The following ETV1 variants were observed in gnomAD, a reference collection of about 807,000 sequenced individuals.
ETV1 encodes ETS translocation variant 1.
Under a neutral mutation model 62.3 loss-of-function variants are expected in ETV1, and 27 were observed. The observed-to-expected ratio is 0.43, with a 90% CI of 0.32 to 0.60. The LOEUF is 0.60. Ranked by LOEUF, ETV1 falls within the 20% of genes least tolerant of loss-of-function variation. The pLI is 0.06. For synonymous variants in ETV1, 222 were observed against 199.6 expected (o/e 1.11, Z -0.94); for missense variants, 605 against 605.8 (o/e 1.00, Z 0.01).
Position 13,989,127 on chromosome 7 carries a change from G to C in ETV1, c.-75C>G, listed in dbSNP as rs1782830243. On this transcript the variant is annotated 5_prime_UTR_variant, in exon 3 of 14. Coordinates refer to ENST00000430479, the MANE Select transcript of ETV1 (RefSeq NM_004956.5). The stretch of plus-strand genomic sequence containing the variant: ...TAGCTGGAGATTTCCTCAGGATCTG[G>C]ACTTCTATCAACCTAGAGGGGAACA... 1.5e-6 allele frequency: 2 copies of C among 1,305,492 alleles called. No homozygotes were observed. The highest frequency in any genetic ancestry group is 2.9e-5 in the African/African-American group (2 of 68,100). The allele number at this position is 1,305,492 out of a possible 1,614,324, so 80.9% of individuals were successfully genotyped here. A position where few individuals can be genotyped will look rare whatever the true frequency, so the allele number is the denominator to read the frequency against.
At chr7:13,958,534 A>C (rs2128480082) in intron 6 of ETV1, among the ~76,000 whole-genome samples, 1 of 152,322 alleles carries the variant, frequency 6.6e-6, no homozygotes, top group East Asian at 1.9e-4. Context: ...ACATGTATTA[A>C]AAATTAGGTG....
intron 6 of ETV1, among the ~76,000 whole-genome samples, chr7:13,949,299 C>A (rs930542855): frequency 6.6e-6 from 1 of 152,122 alleles, no homozygotes; most frequent in Admixed American, 6.5e-5. Flanking sequence ...GTTAGGAATA[C>A]ACTCAGTAGA....
chr7:13,975,590 G>GA (rs368323645), intron 6 of ETV1, among the ~76,000 whole-genome samples: 63,172 of 125,304 alleles, frequency 0.5, 15,585 homozygotes, highest in East Asian at 0.59. Flanking sequence ...GAAAAGAAAA[G>GA]AAAAAAAAAA....
intron 6 of ETV1, among the ~76,000 whole-genome samples, chr7:13,963,521 C>A (rs1293286138): frequency 2.1e-5 from 3 of 140,364 alleles, no homozygotes; most frequent in African/African-American, 9.1e-5. Flanking sequence ...CATTTTAATA[C>A]CAATCTTGGC....
chr7:13,935,557 A>G (rs1786705011), intron 8 of ETV1, 151 bp downstream of exon 8: 1 of 605,592 alleles, frequency 1.7e-6, no homozygotes, highest in Non-Finnish European at 3.0e-6. Context: ...ATAAGTATAG[A>G]TAGAGTGAGC....
At chr7:13,945,530 T>A (rs2128466304) in intron 6 of ETV1, among the ~76,000 whole-genome samples, 1 of 152,064 alleles carries the variant, frequency 6.6e-6, no homozygotes, top group South Asian at 2.1e-4. Flanking sequence ...TTGCTGCATG[T>A]GAGGAAAAAA....
upstream of ETV1, chr7:13,989,793 A>C: frequency 2.5e-6 from 1 of 393,064 alleles, no homozygotes. Context: ...GCTGTCAATC[A>C]GGCGGCTTGC....
chr7:13,949,212 C>T (rs945373659), intron 6 of ETV1, among the ~76,000 whole-genome samples: 2 of 151,696 alleles, frequency 1.3e-5, no homozygotes, highest in African/African-American at 4.8e-5. Context: ...AAATGGTATA[C>T]ATAAATTAGA....
At chr7:13,906,742 G>A (rs981827141) in intron 11 of ETV1, 143 bp from the exon 12 acceptor site, 2 of 589,580 alleles carry the variant, frequency 3.4e-6, no homozygotes, top group Non-Finnish European at 5.6e-6. Context: ...TACCATTAAA[G>A]AGGAATTTAA....
At chr7:13,907,593 C>T (rs1164438863) in intron 11 of ETV1, among the ~76,000 whole-genome samples, 1 of 152,058 alleles carries the variant, frequency 6.6e-6, no homozygotes, top group African/African-American at 2.4e-5. Flanking sequence ...ACTTCCATCT[C>T]CAGCCACATG....
In ETV1 at chr7:13,894,253, T is replaced by A. The variant is rs1781586556; in HGVS notation, c.*1613A>T. ...ACAAAATTCATGTCCCTTGCTTGAA[T>A]CTTTTAGCGAGCTATTCAGAGATTC... is the stretch of plus-strand genomic sequence containing the variant. On this transcript the variant is annotated 3_prime_UTR_variant, in exon 14 of 14. Coordinates refer to ENST00000430479, the MANE Select transcript of ETV1 (RefSeq NM_004956.5). The A allele has an allele frequency of 4.3e-6, 1 of 232,486 alleles. No individual in the cohort carries two copies. Among genetic ancestry groups the A allele is most frequent in the African/African-American group, 2.2e-5 (1 of 45,274 alleles). 14.4% of individuals were successfully genotyped at this position (232,486 alleles called of 1,614,324 possible).
intron 6 of ETV1, among the ~76,000 whole-genome samples, chr7:13,945,392 A>C (rs28513100): frequency 0.011 from 1,695 of 152,112 alleles, 40 homozygotes; most frequent in African/African-American, 0.039. Context: ...AACTCTCTCC[A>C]TAACAGGTTC....
At position 13,973,323 on chromosome 7, in the gene ETV1, C is replaced by T. The variant is rs891592315; in HGVS notation, c.235+4104G>A. On this transcript the variant is annotated intron_variant, in intron 6 of 13. Coordinates refer to ENST00000430479, the MANE Select transcript of ETV1 (RefSeq NM_004956.5). ...TTTAAAAATATCCCCATAGAATTTA[C>T]AGACAGGCCACACAGAGGGGATGCA... 5.7e-4 allele frequency among the ~76,000 whole-genome samples: 86 copies of T among 152,120 alleles called. 2 individuals carry two copies. Among genetic ancestry groups the T allele is most frequent in the Admixed American group, 5.6e-3 (85 of 15,264 alleles).
At chr7:13,901,957 C>T (rs1404872134) in intron 12 of ETV1, among the ~76,000 whole-genome samples, 3 of 152,120 alleles carry the variant, frequency 2.0e-5, no homozygotes. Flanking sequence ...CCTCTCTCCT[C>T]AATGTATATA....
intron 9 of ETV1, among the ~76,000 whole-genome samples, chr7:13,922,295 T>TTAC (rs1327286994): frequency 6.6e-6 from 1 of 152,226 alleles, no homozygotes; most frequent in Non-Finnish European, 1.5e-5. Context: ...AACAACTTGG[T>TTAC]GACACTTCCA....
intron 12 of ETV1, among the ~76,000 whole-genome samples, chr7:13,901,268 G>A (rs1782394575): frequency 6.6e-6 from 1 of 152,208 alleles, no homozygotes; most frequent in Admixed American, 6.5e-5. Context: ...GCCTCCAAAA[G>A]TGTTGGGATT....
intron 6 of ETV1, among the ~76,000 whole-genome samples, chr7:13,976,486 T>C (rs535690366): frequency 1.3e-5 from 2 of 152,296 alleles, no homozygotes; most frequent in Admixed American, 1.3e-4. Context: ...AAATTTAACA[T>C]ATCAAACATA....
Position 13,939,233 on chromosome 7 carries a change from G to C in ETV1, c.249C>G (p.Gly83=), listed in dbSNP as rs779475762. The C allele has an allele frequency of 6.2e-7, 1 of 1,602,578 alleles. No homozygotes were observed. Among genetic ancestry groups the C allele is most frequent in the East Asian group, 2.2e-5 (1 of 44,728 alleles). The change falls in exon 7 of 14, where the codon GGC becomes GGG. Residue 83 remains glycine, a synonymous_variant. Transcript: ENST00000430479. ...DYQAESLAFH[G]LPLKIKKEPH... ...GTTCTTTCTTGATTTTCAGTGGCAG[G>C]CCATGAAAAGCCACTAGAAAAAAGA...
At chr7:13,924,212 A>C (rs1785161246) in intron 9 of ETV1, among the ~76,000 whole-genome samples, 1 of 152,134 alleles carries the variant, frequency 6.6e-6, no homozygotes, top group African/African-American at 2.4e-5. Context: ...GTGAAGTGTA[A>C]GCCACTGAGC....
Sources: gnomAD v4.1 joint callset for allele counts (sites outside exome capture counted in the v4.1 genomes callset) on GRCh38, gnomAD v4.1.1 for gene constraint, MANE v1.5 for transcripts, NCBI Gene and HGNC (gene_info 2026-07-23, HGNC 2026-07-21) for gene names.